The following JKAMP variants were observed in gnomAD, a reference collection of about 807,000 sequenced individuals.
The protein encoded by JKAMP is JNK1/MAPK8-associated membrane protein.
JKAMP carries 20 observed loss-of-function variants against 40.2 expected under a neutral mutation model. That is an observed-to-expected ratio of 0.50 (90% confidence interval 0.35 to 0.72). The LOEUF (loss-of-function observed/expected upper bound fraction) is 0.72. JKAMP is among the 30% of genes least tolerant of loss of function. The pLI, the probability that JKAMP is intolerant of heterozygous loss-of-function variation, is 0.01. For missense variants in JKAMP, 276 were observed against 373.0 expected, an observed-to-expected ratio of 0.74 and a Z score of 2.14; for synonymous variants, 138 against 131.6, an observed-to-expected ratio of 1.05 and a Z score of -0.33.
chr14:59,501,421 A>G (rs1594952788), intron 6 of JKAMP, among the ~76,000 whole-genome samples, 154 bp downstream of exon 6: 1 of 152,188 alleles, frequency 6.6e-6, no homozygotes, highest in African/African-American at 2.4e-5. Flanking sequence ...TGTTAACTTT[A>G]TGAAAAGTTG....
At chr14:59,488,998 A>G (rs1890789779) in intron 3 of JKAMP, among the ~76,000 whole-genome samples, 1 of 152,262 alleles carries the variant, frequency 6.6e-6, no homozygotes, top group Non-Finnish European at 1.5e-5. Context: ...GCAGTCTGAA[A>G]GACTTCTGAA....
chr14:59,485,223 C>A, intron 1 of JKAMP: 1 of 1,223,106 alleles, frequency 8.2e-7, no homozygotes, highest in South Asian at 1.4e-5. Context: ...TATTAAGCAT[C>A]TACTAGATGT....
chr14:59,502,773 T>TTGTTTTTTTTTTTTTTTTTTTTTTTG (rs796697193), intron 6 of JKAMP, among the ~76,000 whole-genome samples: 1 of 102,836 alleles, frequency 9.7e-6, no homozygotes, highest in African/African-American at 3.9e-5. Flanking sequence ...TTTTTTTTTT[T>TTGTTTTTTTTTTTTTTTTTTTTTTTG]CGGAGTCTCA....
intron 3 of JKAMP, among the ~76,000 whole-genome samples, chr14:59,488,691 T>G (rs1319357020): frequency 6.6e-6 from 1 of 152,232 alleles, no homozygotes; most frequent in Non-Finnish European, 1.5e-5. Context: ...AGTCAAATTC[T>G]GCCTTACTGA....
At position 59,505,150 on chromosome 14, in the gene JKAMP, C is replaced by A; in HGVS notation, c.*1078C>A. ...GTTAAATTTTAAATGTTTAAGACTT[C>A]TATTAACAGCTGCAAAATATGAAAG... On this transcript the variant is annotated 3_prime_UTR_variant, in exon 7 of 7. Coordinates refer to ENST00000616435, the MANE Select transcript of JKAMP (RefSeq NM_016475.5). 1.8e-6 allele frequency: 1 copy of A among 563,774 alleles called. No homozygotes were observed. The highest frequency in any genetic ancestry group is 2.9e-6 in the Non-Finnish European group (1 of 340,462). The allele number at this position is 563,774 out of a possible 1,614,324, so 34.9% of individuals were successfully genotyped here.
intron 3 of JKAMP, among the ~76,000 whole-genome samples, chr14:59,493,670 T>C (rs1163003527): frequency 2.0e-5 from 3 of 152,206 alleles, no homozygotes; most frequent in African/African-American, 7.2e-5. Flanking sequence ...ACAGTACAAG[T>C]ACTGTGACAT....
Position 59,501,246 on chromosome 14 carries a change from C to A in JKAMP, c.696C>A (p.Tyr232Ter). The change falls in exon 6 of 7, where the codon TAC becomes TAA. Residue 232 changes from tyrosine to a stop codon, truncating the protein, a stop_gained. Transcript: ENST00000616435. LOFTEE classifies it high-confidence loss of function. ...TATCTTTGGTTACTCTGGCTGTGTA[C>A]ATGTCTGCTTCTGAAATAGAGGTAG... ...LVLSLVTLAV[Y>*]MSASEIENCY... 1 of 1,601,132 alleles carries A rather than the reference C, an allele frequency of 6.2e-7. No homozygotes were observed. The highest frequency in any genetic ancestry group is 8.5e-7 in the Non-Finnish European group (1 of 1,170,024).
chr14:59,494,706 A>G (rs1891305602), intron 3 of JKAMP, among the ~76,000 whole-genome samples: 1 of 152,052 alleles, frequency 6.6e-6, no homozygotes, highest in African/African-American at 2.4e-5. Context: ...CTTTCTAACA[A>G]ACACGTTACA....
At position 59,504,709 on chromosome 14, in the gene JKAMP, A is replaced by C. The variant is rs1385546600; in HGVS notation, c.*637A>C. 6.5e-6 allele frequency: 1 copy of C among 152,818 alleles called. No individual in the cohort carries two copies. Among genetic ancestry groups the C allele is most frequent in the Non-Finnish European group, 1.5e-5 (1 of 68,146 alleles). 9.5% of individuals were successfully genotyped at this position (152,818 alleles called of 1,614,324 possible). The stretch of plus-strand genomic sequence containing the variant: ...ATAATAAAAAGCTTACCTACATAAA[A>C]TTTCAATGTTTTGACACTTAATTGT... On this transcript the variant is annotated 3_prime_UTR_variant, in exon 7 of 7. Coordinates refer to ENST00000616435, the MANE Select transcript of JKAMP (RefSeq NM_016475.5).
At position 59,487,780 on chromosome 14, in the gene JKAMP, C is replaced by T; in HGVS notation, c.203C>T (p.Pro68Leu). The change falls in exon 3 of 7, where the codon CCT becomes CTT. Residue 68 changes from proline (P) to leucine (L), a missense_variant. By Grantham distance (98) the Pro-to-Leu change is moderately conservative. Coordinates refer to ENST00000616435, the MANE Select transcript of JKAMP (RefSeq NM_016475.5). ...WLYLGFMAML[P>L]LVLHWFFIEW... Reference sequence around the variant, plus strand: ...TATCTTGGATTTATGGCAATGCTTCCTCTGGTTTTACATTGGTTCTTCATT... The same window carrying T: ...TATCTTGGATTTATGGCAATGCTTCTTCTGGTTTTACATTGGTTCTTCATT... 2 of 1,613,566 alleles carry T rather than the reference C, an allele frequency of 1.2e-6. No homozygotes were observed. Among genetic ancestry groups the T allele is most frequent in the Non-Finnish European group, 1.7e-6 (2 of 1,179,616 alleles).
chr14:59,487,777 T>A lies in JKAMP; in HGVS notation c.200T>A (p.Leu67His). 6.2e-7 allele frequency: 1 copy of A among 1,613,588 alleles called. No homozygotes were observed. The highest frequency in any genetic ancestry group is 1.7e-4 in the Middle Eastern group (1 of 6,058). The change falls in exon 3 of 7, where the codon CTT becomes CAT. Residue 67 changes from leucine to histidine, a missense_variant. Coordinates refer to ENST00000616435, the MANE Select transcript of JKAMP (RefSeq NM_016475.5). ...DWLYLGFMAM[L>H]PLVLHWFFIE... is the part of the protein sequence containing the mutation. ...CTCTATCTTGGATTTATGGCAATGC[T>A]TCCTCTGGTTTTACATTGGTTCTTC...
At chr14:59,489,641 C>T (rs930613580) in intron 3 of JKAMP, among the ~76,000 whole-genome samples, 1 of 152,346 alleles carries the variant, frequency 6.6e-6, no homozygotes, top group Non-Finnish European at 1.5e-5. Flanking sequence ...CCTTCAGTTT[C>T]AGTTTTCTGT....
chr14:59,500,442 T>C (rs1891790278), intron 5 of JKAMP, among the ~76,000 whole-genome samples: 2 of 152,214 alleles, frequency 1.3e-5, no homozygotes, highest in African/African-American at 4.8e-5. Flanking sequence ...TTTGAAACAT[T>C]TTAAGAGAAA....
Position 59,504,060 on chromosome 14 carries a change from C to A in JKAMP, c.924C>A (p.Ala308=). The A allele has an allele frequency of 6.2e-7, 1 of 1,607,842 alleles. No homozygotes were observed. The highest frequency in any genetic ancestry group is 8.5e-7 in the Non-Finnish European group (1 of 1,174,542). ...CTTCAAGGATACTCTCAGAAGGAGC[C>A]AATGGACACTGAGTGTAGACATGTG... The part of the protein sequence containing the change: ...TEPSRILSEG[A]NGH The change falls in exon 7 of 7, where the codon GCC becomes GCA. Residue 308 remains alanine, a synonymous_variant. Coordinates refer to ENST00000616435, the MANE Select transcript of JKAMP (RefSeq NM_016475.5).
intron 4 of JKAMP, among the ~76,000 whole-genome samples, chr14:59,496,123 C>G (rs1425175952): frequency 6.6e-6 from 1 of 152,140 alleles, no homozygotes; most frequent in African/African-American, 2.4e-5. Flanking sequence ...CCAGGCTGGT[C>G]TTGAACTCCT....
At chr14:59,485,352 C>A in intron 1 of JKAMP, 1 of 423,698 alleles carries the variant, frequency 2.4e-6, no homozygotes, top group Non-Finnish European at 4.0e-6. Context: ...AAAAAATAAG[C>A]GCCCATTAAA....
chr14:59,495,205 C>A lies in JKAMP; in HGVS notation c.439C>A (p.His147Asn). 1.9e-6 allele frequency: 3 copies of A among 1,610,090 alleles called. No individual in the cohort carries two copies. The highest frequency in any genetic ancestry group is 2.2e-5 in the South Asian group (2 of 90,986). The change falls in exon 4 of 7, where the codon CAT (histidine) becomes AAT (asparagine). Residue 147 changes from histidine (H) to asparagine (N), a missense_variant. By Grantham distance (68) the His-to-Asn change is moderately conservative (BLOSUM62 1). Coordinates refer to ENST00000616435, the MANE Select transcript of JKAMP (RefSeq NM_016475.5). ...PDYVTTVHCTHEAVYPLYTIV... is the reference protein window; with the variant it reads ...PDYVTTVHCTNEAVYPLYTIV... ...TTACGTTACCACAGTACACTGTACT[C>A]ATGAAGCCGTCTACCCACTGTAAGT...
chr14:59,501,233 C>T lies in JKAMP; in HGVS notation c.683C>T (p.Thr228Ile). 1 of 1,605,254 alleles carries T rather than the reference C, an allele frequency of 6.2e-7. No homozygotes were observed. The highest frequency in any genetic ancestry group is 8.5e-7 in the Non-Finnish European group (1 of 1,172,998). ...ATTATATTAGTGTTATCTTTGGTTACTCTGGCTGTGTACATGTCTGCTTCT... is the reference window on the plus strand; with the variant it reads ...ATTATATTAGTGTTATCTTTGGTTATTCTGGCTGTGTACATGTCTGCTTCT... ...PYIILVLSLV[T>I]LAVYMSASEI... The change falls in exon 6 of 7, where the codon ACT (threonine) becomes ATT (isoleucine). Residue 228 changes from threonine to isoleucine, a missense_variant. By Grantham distance (89) the Thr-to-Ile change is moderately conservative. Transcript: ENST00000616435.
intron 3 of JKAMP, among the ~76,000 whole-genome samples, chr14:59,488,285 A>G (rs1890731153): frequency 6.6e-6 from 1 of 152,196 alleles, no homozygotes; most frequent in South Asian, 2.1e-4. Flanking sequence ...TTGGAAGATC[A>G]GGGAAGGAGA....
Sources: gnomAD v4.1 joint callset for allele counts (sites outside exome capture counted in the v4.1 genomes callset) on GRCh38, gnomAD v4.1.1 for gene constraint, MANE v1.5 for transcripts, NCBI Gene and HGNC (gene_info 2026-07-23, HGNC 2026-07-21) for gene names.